The following SLC30A9 variants were observed in gnomAD, a reference collection of about 807,000 sequenced individuals.
SLC30A9 encodes solute carrier family 30 member 9.
SLC30A9 carries 58 observed loss-of-function variants against 87.5 expected under a neutral mutation model. The ratio of observed to expected loss-of-function variants is 0.66; its 90% CI spans 0.54 to 0.82. The LOEUF (loss-of-function observed/expected upper bound fraction) is 0.82. Ranked by LOEUF, SLC30A9 falls within the 40% of genes least tolerant of loss-of-function variation. SLC30A9 has a pLI of 0.00. For synonymous variants in SLC30A9, 234 were observed against 233.0 expected, an observed-to-expected ratio of 1.00 and a Z score of -0.04; for missense variants, 557 against 679.1, an observed-to-expected ratio of 0.82 and a Z score of 2.00.
chr4:42,075,045 A>T (rs866116592), intron 15 of SLC30A9, among the ~76,000 whole-genome samples: 1 of 14,128 alleles, frequency 7.1e-5, no homozygotes, highest in Non-Finnish European at 1.5e-4. Context: ...ATATATATAT[A>T]TATATATATA....
intron 9 of SLC30A9, among the ~76,000 whole-genome samples, chr4:42,050,173 A>C (rs1431596107): frequency 5.3e-5 from 8 of 152,212 alleles, no homozygotes; most frequent in Non-Finnish European, 1.2e-4. Flanking sequence ...AATATTAATT[A>C]AAAATTAAGC....
chr4:42,042,041 T>A (rs554822916), intron 8 of SLC30A9, among the ~76,000 whole-genome samples: 1 of 152,252 alleles, frequency 6.6e-6, no homozygotes, highest in East Asian at 1.9e-4. Context: ...ATACTACGCT[T>A]TTCCCATGGT....
At chr4:42,025,134 C>G (rs527581886) in intron 6 of SLC30A9, among the ~76,000 whole-genome samples, 2 of 152,284 alleles carry the variant, frequency 1.3e-5, no homozygotes, top group South Asian at 4.1e-4. Flanking sequence ...TAATGTATAT[C>G]CCTCTCACTA....
At chr4:42,045,606 G>A (rs955974985) in intron 8 of SLC30A9, among the ~76,000 whole-genome samples, 12 of 149,124 alleles carry the variant, frequency 8.0e-5, no homozygotes, top group Non-Finnish European at 1.8e-4. Context: ...AAAAAGCCCA[G>A]GACTAGACGG....
chr4:41,994,850 C>T (rs998779102), intron 1 of SLC30A9, among the ~76,000 whole-genome samples: 3 of 138,788 alleles, frequency 2.2e-5, no homozygotes, highest in African/African-American at 7.7e-5. Context: ...AAAAAAAGAC[C>T]ATTTAGACTG....
chr4:41,991,078 T>A (rs1714417636), intron 1 of SLC30A9, among the ~76,000 whole-genome samples: 2 of 152,288 alleles, frequency 1.3e-5, no homozygotes, highest in Admixed American at 1.3e-4. Context: ...CCGCGGTTAC[T>A]CACCTCCGCG....
chr4:42,069,401 G>T (rs1718216093), intron 14 of SLC30A9, among the ~76,000 whole-genome samples: 1 of 152,038 alleles, frequency 6.6e-6, no homozygotes, highest in African/African-American at 2.4e-5. Flanking sequence ...TTCTTTAAGA[G>T]TACATGAATG....
chr4:41,996,762 G>A (rs555912371), intron 1 of SLC30A9, among the ~76,000 whole-genome samples: 31 of 151,148 alleles, frequency 2.1e-4, no homozygotes, highest in African/African-American at 7.1e-4. Context: ...AGGTGGGTGC[G>A]GTGGCTCATG....
In SLC30A9 at chr4:42,042,148, C is replaced by G. The variant is rs373589821; in HGVS notation, c.737+3095C>G. Among the ~76,000 whole-genome samples, 50 of 152,294 alleles carry G rather than the reference C, an allele frequency of 3.3e-4. 1 individual carries two copies. The highest frequency in any genetic ancestry group is 1.1e-3 in the African/African-American group (44 of 41,566). On this transcript the variant is annotated intron_variant, in intron 8 of 17. Transcript: ENST00000264451. Reference sequence around the variant, plus strand: ...ACTGGGCGGCCATTTGGGCAGACACCAAGCTAGCTAGACTAGTTTTTTTTC... The same window carrying G: ...ACTGGGCGGCCATTTGGGCAGACACGAAGCTAGCTAGACTAGTTTTTTTTC...
At chr4:42,055,292 T>C (rs1318106998) in intron 9 of SLC30A9, among the ~76,000 whole-genome samples, 1 of 152,232 alleles carries the variant, frequency 6.6e-6, no homozygotes, top group Non-Finnish European at 1.5e-5. Context: ...GTAATATTTT[T>C]ATGCCATATG....
intron 6 of SLC30A9, chr4:42,029,654 A>AG (rs3840107): frequency 0.95 from 709,011 of 748,954 alleles, 335,860 homozygotes; most frequent in East Asian, 0.99. Flanking sequence ...GGTGAGCGAA[A>AG]GTCTGCAGAT....
chr4:42,083,767 G>T (rs1718822117), intron 17 of SLC30A9, among the ~76,000 whole-genome samples: 1 of 152,092 alleles, frequency 6.6e-6, no homozygotes, highest in Non-Finnish European at 1.5e-5. Flanking sequence ...TCTGTTTGGA[G>T]AATTTTTTTT....
At chr4:42,073,429 A>T (rs551799868) in intron 15 of SLC30A9, among the ~76,000 whole-genome samples, 7 of 152,320 alleles carry the variant, frequency 4.6e-5, no homozygotes, top group African/African-American at 1.7e-4. Flanking sequence ...TAATCCAGAA[A>T]ATTCATACAA....
intron 2 of SLC30A9, among the ~76,000 whole-genome samples, chr4:42,017,087 C>T (rs1715753485): frequency 6.6e-6 from 1 of 152,154 alleles, no homozygotes; most frequent in Non-Finnish European, 1.5e-5. Context: ...TTGTTCCATA[C>T]CCTTGCCAAC....
chr4:42,056,588 G>A (rs1560553883), intron 9 of SLC30A9, among the ~76,000 whole-genome samples: 1 of 152,050 alleles, frequency 6.6e-6, no homozygotes, highest in Non-Finnish European at 1.5e-5. Context: ...ATGAGATTTG[G>A]GTGGGGACAC....
chr4:42,043,616 G>A (rs566790250), intron 8 of SLC30A9, among the ~76,000 whole-genome samples: 1 of 152,300 alleles, frequency 6.6e-6, no homozygotes, highest in South Asian at 2.1e-4. Flanking sequence ...AAGTGACTGG[G>A]AGAATGGAAC....
intron 6 of SLC30A9, among the ~76,000 whole-genome samples, chr4:42,027,230 A>ATTAAATGAAAT (rs1399640480): frequency 1.3e-5 from 2 of 152,230 alleles, no homozygotes; most frequent in Non-Finnish European, 2.9e-5. Flanking sequence ...ACAGATGAAA[A>ATTAAATGAAAT]TTAAATGAAA....
At chr4:42,063,156 T>G (rs374102095) in intron 11 of SLC30A9, 35 bp downstream of exon 11, 2 of 1,600,296 alleles carry the variant, frequency 1.2e-6, no homozygotes. Flanking sequence ...TTTTGATGTC[T>G]TATGACATAG....
At chr4:42,059,619 A>C (rs1289634660) in intron 9 of SLC30A9, among the ~76,000 whole-genome samples, 4 of 152,174 alleles carry the variant, frequency 2.6e-5, no homozygotes, top group Non-Finnish European at 5.9e-5. Context: ...ATTATCTTTT[A>C]CTTGTAAAGC....
Sources: allele counts gnomAD v4.1 joint callset (sites outside exome capture counted in the v4.1 genomes callset), GRCh38; gene constraint gnomAD v4.1.1; transcripts MANE v1.5; gene names NCBI Gene and HGNC (gene_info 2026-07-23, HGNC 2026-07-21).